CEMIP: variants seen among roughly 807,000 people sequenced by gnomAD.
CEMIP encodes cell migration inducing hyaluronidase 1.
CEMIP carries 105 observed loss-of-function variants against 156.9 expected under a neutral mutation model. The ratio of observed to expected loss-of-function variants is 0.67; its 90% CI spans 0.57 to 0.79. The LOEUF is 0.79. CEMIP is among the 30% of genes least tolerant of loss of function. The pLI is 0.00. For missense variants in CEMIP, 1,457 were observed against 1,769.4 expected (o/e 0.82, Z 3.17); for synonymous variants, 676 against 668.4 (o/e 1.01, Z -0.17).
At chr15:80,800,503 A>G (rs545746841) in intron 1 of CEMIP, among the ~76,000 whole-genome samples, 1 of 152,238 alleles carries the variant, frequency 6.6e-6, no homozygotes, top group African/African-American at 2.4e-5. Context: ...TGAGGCAACT[A>G]CTTTTAAACT....
chr15:80,871,273 C>G lies in CEMIP; in HGVS notation c.-175-2265C>G, dbSNP rs551241424. Among the ~76,000 whole-genome samples the G allele has an allele frequency of 2.0e-5, 3 of 152,332 alleles. No homozygotes were observed. The East Asian group carries it at 5.8e-4, about 29-fold the overall frequency. On this transcript the variant is annotated intron_variant, in intron 1 of 29. Transcript: ENST00000394685. ...CCTTGCTCAGCAATGTGGGATTAGC[C>G]TCTTTGGGCAGGGCAATCTCTCTGC...
intron 23 of CEMIP, among the ~76,000 whole-genome samples, chr15:80,934,821 G>A (rs1901055364): frequency 6.6e-6 from 1 of 152,166 alleles, no homozygotes; most frequent in Admixed American, 6.5e-5. Flanking sequence ...AGGAAGACAG[G>A]GCAGAGGGCA....
chr15:80,818,871 G>A (rs1459646015), intron 1 of CEMIP, among the ~76,000 whole-genome samples: 5 of 152,166 alleles, frequency 3.3e-5, no homozygotes, highest in Admixed American at 6.5e-5. Flanking sequence ...CAATCGCATC[G>A]CTCAGAGGGC....
intron 1 of CEMIP, among the ~76,000 whole-genome samples, chr15:80,856,506 T>G (rs1039867357): frequency 6.6e-6 from 1 of 152,134 alleles, no homozygotes; most frequent in East Asian, 1.9e-4. Flanking sequence ...CTTGGCTGTG[T>G]GTTTGAAAAT....
At chr15:80,848,953 A>ATTTTTTTTTTT (rs764417438) in intron 1 of CEMIP, among the ~76,000 whole-genome samples, 1 of 72,462 alleles carries the variant, frequency 1.4e-5, no homozygotes, top group Non-Finnish European at 2.4e-5. Flanking sequence ...CTCTTTAGAA[A>ATTTTTTTTTTT]TTTTTTTTTT....
rs1486070493 is a variant in CEMIP, at chr15:80,922,832, T to C, written c.2202+695T>C. Among the ~76,000 whole-genome samples the C allele has an allele frequency of 2.0e-5, 3 of 152,192 alleles. No homozygotes were observed. The East Asian group carries it at 5.8e-4, about 29-fold the overall frequency. The stretch of plus-strand genomic sequence containing the variant: ...CAGTCAAGACCAGAGTCATGGGGCA[T>C]GGGATTGGAGCTTGGAGCATGGCTG... On this transcript the variant is annotated intron_variant, in intron 17 of 29. Transcript: ENST00000394685.
intron 23 of CEMIP, among the ~76,000 whole-genome samples, chr15:80,934,234 G>C (rs772230836): frequency 6.6e-6 from 1 of 152,110 alleles, no homozygotes; most frequent in Non-Finnish European, 1.5e-5. Flanking sequence ...TATACAATGT[G>C]TAATGATCAA....
chr15:80,802,031 G>A (rs1191707310), intron 1 of CEMIP, among the ~76,000 whole-genome samples: 1 of 152,194 alleles, frequency 6.6e-6, no homozygotes, highest in African/African-American at 2.4e-5. Flanking sequence ...ATCTGAGGGA[G>A]TTCCTGGAAC....
In CEMIP at chr15:80,951,432, A is replaced by ACTT. The variant is rs1395431281; in HGVS notation, c.*2509_*2511dup. ...CCTCCTTGTTATTTCTGTTTGTAAG[A>ACTT]CTTAAGTGAGTTAGGTCTTTAAGGA... On this transcript the variant is annotated 3_prime_UTR_variant, in exon 30 of 30. Coordinates refer to ENST00000394685, the MANE Select transcript of CEMIP (RefSeq NM_001293298.2). The ACTT allele has an allele frequency of 6.6e-6, 1 of 152,578 alleles. No individual in the cohort carries two copies. Among genetic ancestry groups the ACTT allele is most frequent in the Non-Finnish European group, 1.5e-5 (1 of 68,028 alleles). 9.5% of individuals were successfully genotyped at this position (152,578 alleles called of 1,614,324 possible).
intron 18 of CEMIP, 47 bp downstream of exon 18, chr15:80,924,753 A>G: frequency 6.8e-7 from 1 of 1,471,754 alleles, no homozygotes; most frequent in Non-Finnish European, 9.5e-7. Flanking sequence ...CTTGCAGTCC[A>G]GCTCCTGCCT....
chr15:80,802,596 C>T (rs1896406523), intron 1 of CEMIP, among the ~76,000 whole-genome samples: 1 of 152,240 alleles, frequency 6.6e-6, no homozygotes, highest in Non-Finnish European at 1.5e-5. Flanking sequence ...AGAGCAGTGA[C>T]ATCACTTTCC....
chr15:80,843,545 T>C (rs935107036), intron 1 of CEMIP, among the ~76,000 whole-genome samples: 6 of 152,332 alleles, frequency 3.9e-5, no homozygotes, highest in Non-Finnish European at 7.4e-5. Flanking sequence ...GGACAGGTGC[T>C]TCCTTCACCC....
At chr15:80,814,388 G>A (rs1896743605) in intron 1 of CEMIP, among the ~76,000 whole-genome samples, 1 of 152,102 alleles carries the variant, frequency 6.6e-6, no homozygotes, top group Non-Finnish European at 1.5e-5. Flanking sequence ...CCACGGCTTG[G>A]CCACCATCTC....
intron 1 of CEMIP, among the ~76,000 whole-genome samples, chr15:80,862,154 T>A (rs957437668): frequency 6.6e-6 from 1 of 152,204 alleles, no homozygotes; most frequent in Non-Finnish European, 1.5e-5. Context: ...GGTCAACTTG[T>A]CTTTGACGTC....
chr15:80,874,138 T>C (rs74030627), intron 3 of CEMIP, among the ~76,000 whole-genome samples, 165 bp downstream of exon 3: 1,753 of 152,354 alleles, frequency 0.012, 39 homozygotes, highest in African/African-American at 0.04. Context: ...CCCGGCACGT[T>C]TCGTCCTGGG....
intron 1 of CEMIP, among the ~76,000 whole-genome samples, chr15:80,861,293 C>T (rs1328628959): frequency 6.6e-6 from 1 of 152,160 alleles, no homozygotes; most frequent in African/African-American, 2.4e-5. Context: ...TAAAAGTACA[C>T]ATCGACTCAC....
chr15:80,831,556 A>G (rs1364437553), intron 1 of CEMIP, among the ~76,000 whole-genome samples: 1 of 152,202 alleles, frequency 6.6e-6, no homozygotes, highest in Non-Finnish European at 1.5e-5. Flanking sequence ...TGCTACTTTC[A>G]GAGTCAAGCA....
At position 80,798,844 on chromosome 15, in the gene CEMIP, T is replaced by A. The variant is rs1426647513; in HGVS notation, c.-176+19230T>A. On this transcript the variant is annotated intron_variant, in intron 1 of 29. Transcript: ENST00000394685. ...ATCATTTACATATTGATTTATTTTTTAATGTACAATTCTAGAGTCTTCTAG... is the reference window on the plus strand; with the variant it reads ...ATCATTTACATATTGATTTATTTTTAAATGTACAATTCTAGAGTCTTCTAG... 2.0e-5 allele frequency among the ~76,000 whole-genome samples: 3 copies of A among 152,326 alleles called. No individual in the cohort carries two copies. The East Asian group carries it at 5.8e-4, about 29-fold the overall frequency.
At chr15:80,874,290 C>T (rs1898398096) in intron 3 of CEMIP, among the ~76,000 whole-genome samples, 1 of 152,220 alleles carries the variant, frequency 6.6e-6, no homozygotes, top group Admixed American at 6.5e-5. Context: ...AACTGAGACC[C>T]TTCTAAAGGG....
Sources: allele counts gnomAD v4.1 joint callset (sites outside exome capture counted in the v4.1 genomes callset), GRCh38; gene constraint gnomAD v4.1.1; transcripts MANE v1.5; gene names NCBI Gene and HGNC (gene_info 2026-07-23, HGNC 2026-07-21).